ZNF891: variants seen among roughly 807,000 people sequenced by gnomAD.
ZNF891 encodes hCG1646157.
For synonymous variants in ZNF891, 199 were observed against 209.0 expected (o/e 0.95, Z 0.41); for missense variants, 589 against 632.7 (o/e 0.93, Z 0.74).
At chr12:133,122,112 C>A in intron 1 of ZNF891, 88 bp from the exon 2 acceptor site, 1 of 1,358,660 alleles carries the variant, frequency 7.4e-7, no homozygotes, top group Non-Finnish European at 9.5e-7. Context: ...ATTGTAGACC[C>A]TCCCCATTAC....
chr12:133,124,117 A>G (rs533170186), intron 1 of ZNF891, among the ~76,000 whole-genome samples: 1 of 152,366 alleles, frequency 6.6e-6, no homozygotes, highest in East Asian at 1.9e-4. Flanking sequence ...ATCTCTAGTA[A>G]GTAAAACAGA....
rs1362695461 is a variant in ZNF891 at position 133,117,441 on chromosome 12, TAC to T, written c.*2841_*2842del. On this transcript the variant is annotated 3_prime_UTR_variant, in exon 2 of 2. Coordinates refer to ENST00000537226, the MANE Select transcript of ZNF891 (RefSeq NM_001277291.2). ...TTCACATATTCTGATCACTGCTTAG[TAC>T]AGTTAGGTGTAAATAAATAAACAAG... 2.0e-5 allele frequency: 3 copies of T among 152,252 alleles called. No homozygotes were observed. The highest frequency in any genetic ancestry group is 7.2e-5 in the African/African-American group (3 of 41,466). 9.4% of individuals were successfully genotyped at this position (152,252 alleles called of 1,614,324 possible).
At position 133,113,088 on chromosome 12, in the gene ZNF891, A is replaced by G. The variant is rs1486445449; in HGVS notation, c.*7196T>C. On this transcript the variant is annotated 3_prime_UTR_variant, in exon 2 of 2. Transcript: ENST00000537226. ...AATATATATATATATATTTATATTT[A>G]TTTATTAAAAATATATTTATAAAAT... 1 of 147,702 alleles carries G rather than the reference A, an allele frequency of 6.8e-6. No homozygotes were observed. Among genetic ancestry groups the G allele is most frequent in the African/African-American group, 2.5e-5 (1 of 40,802 alleles). The allele number at this position is 147,702 out of a possible 1,614,324, so 9.1% of individuals were successfully genotyped here.
At position 133,116,252 on chromosome 12, in the gene ZNF891, C is replaced by T. The variant is rs1242118921; in HGVS notation, c.*4032G>A. ...CCCGAGTAGCTGGTACTACAGGCGC[C>T]CACCACCACACTTGGCTAATTTTTT... On this transcript the variant is annotated 3_prime_UTR_variant, in exon 2 of 2. Transcript: ENST00000537226. The T allele has an allele frequency of 2.1e-5, 3 of 146,308 alleles. No homozygotes were observed. The highest frequency in any genetic ancestry group is 4.4e-5 in the Non-Finnish European group (3 of 68,068). The allele number at this position is 146,308 out of a possible 1,614,324, so 9.1% of individuals were successfully genotyped here.
rs1955686384 is a variant in ZNF891 at position 133,112,175 on chromosome 12, A to G, written c.*8109T>C. On this transcript the variant is annotated 3_prime_UTR_variant, in exon 2 of 2. Coordinates refer to ENST00000537226, the MANE Select transcript of ZNF891 (RefSeq NM_001277291.2). ...TACTTTCTGTTCCACAAATATGTCA[A>G]ATCCTGATGAGTCTTTTTGCTCTTG... is the stretch of plus-strand genomic sequence containing the variant. The G allele has an allele frequency of 6.6e-6, 1 of 152,242 alleles. No homozygotes were observed. The highest frequency in any genetic ancestry group is 6.5e-5 in the Admixed American group (1 of 15,278). 9.4% of individuals were successfully genotyped at this position (152,242 alleles called of 1,614,324 possible).
In ZNF891 at chr12:133,106,516, T is replaced by C. The variant is rs556719221; in HGVS notation, c.*13768A>G. The C allele has an allele frequency of 9.1e-5, 147 of 1,614,068 alleles. No individual in the cohort carries two copies. Among genetic ancestry groups the C allele is most frequent in the Non-Finnish European group, 1.2e-4 (142 of 1,180,004 alleles). ...GAACTCATACTGGAGAGAAACCCTA[T>C]GTATGTAAGGTATGCAACAAATCCT... On this transcript the variant is annotated 3_prime_UTR_variant, in exon 2 of 2. Coordinates refer to ENST00000537226, the MANE Select transcript of ZNF891 (RefSeq NM_001277291.2).
chr12:133,129,160 C>T (rs1406860679), intron 1 of ZNF891, among the ~76,000 whole-genome samples: 2 of 152,060 alleles, frequency 1.3e-5, no homozygotes, highest in Non-Finnish European at 2.9e-5. Flanking sequence ...GGAAAGGTAT[C>T]TAAAACAGAA....
At position 133,106,440 on chromosome 12, in the gene ZNF891, C is replaced by A; in HGVS notation, c.*13844G>T. On this transcript the variant is annotated 3_prime_UTR_variant, in exon 2 of 2. Coordinates refer to ENST00000537226, the MANE Select transcript of ZNF891 (RefSeq NM_001277291.2). The stretch of plus-strand genomic sequence containing the variant: ...ACTGGAGAGAAACCCTATGCGTGTG[C>A]TGAATGTGATAAAGCCTTCAGCCGG... 1 of 1,613,950 alleles carries A rather than the reference C, an allele frequency of 6.2e-7. No homozygotes were observed. Among genetic ancestry groups the A allele is most frequent in the South Asian group, 1.1e-5 (1 of 91,076 alleles).
rs1430169383 is a variant in ZNF891, at chr12:133,120,704, T to C, written c.1215A>G (p.Glu405=). ...CAAAGGATTTTCCACACTGATTACATTCATAAGGTTTCTCTCCAGTGTGAG... is the reference window on the plus strand; with the variant it reads ...CAAAGGATTTTCCACACTGATTACACTCATAAGGTTTCTCTCCAGTGTGAG... ...MRTHTGEKPY[E]CNQCGKSFGT... The change falls in exon 2 of 2, where the codon GAA becomes GAG. Residue 405 remains glutamate, a synonymous_variant. Transcript: ENST00000537226. 2 of 1,564,504 alleles carry C rather than the reference T, an allele frequency of 1.3e-6. No individual in the cohort carries two copies. Among genetic ancestry groups the C allele is most frequent in the East Asian group, 4.8e-5 (2 of 42,020 alleles).
At chr12:133,124,374 AG>A (rs961729370) in intron 1 of ZNF891, among the ~76,000 whole-genome samples, 2 of 152,148 alleles carry the variant, frequency 1.3e-5, no homozygotes, top group Non-Finnish European at 2.9e-5. Flanking sequence ...AGGAGAAAAA[AG>A]GGAACAGAAA....
intron 1 of ZNF891, among the ~76,000 whole-genome samples, chr12:133,124,746 G>A (rs1160042166): frequency 2.1e-5 from 3 of 143,172 alleles, no homozygotes; most frequent in African/African-American, 7.6e-5. Context: ...AATATAAAAG[G>A]CCTTTTATAT....
rs563111093 is a variant in ZNF891, at chr12:133,114,736, T to C, written c.*5548A>G. The C allele has an allele frequency of 6.6e-5, 10 of 152,160 alleles. No individual in the cohort carries two copies. The South Asian group carries it at 1.9e-3, about 28-fold the overall frequency. 9.4% of individuals were successfully genotyped at this position (152,160 alleles called of 1,614,324 possible). A position where few individuals can be genotyped will look rare whatever the true frequency, so the allele number is the denominator to read the frequency against. ...AAGGACACAATACCTAAAGGATAAA[T>C]AGGACAGGTTAAATTAGGGAGACAG... On this transcript the variant is annotated 3_prime_UTR_variant, in exon 2 of 2. Transcript: ENST00000537226.
chr12:133,126,155 T>C (rs1474088431), intron 1 of ZNF891, among the ~76,000 whole-genome samples: 2 of 151,980 alleles, frequency 1.3e-5, no homozygotes, highest in Non-Finnish European at 2.9e-5. Flanking sequence ...AGTTAAAAAT[T>C]ATAATTTAAA....
intron 1 of ZNF891, among the ~76,000 whole-genome samples, chr12:133,127,825 T>C (rs1470217346): frequency 6.6e-6 from 1 of 152,198 alleles, no homozygotes; most frequent in Non-Finnish European, 1.5e-5. Context: ...GATAAGACTG[T>C]ATGACAGATT....
intron 1 of ZNF891, among the ~76,000 whole-genome samples, chr12:133,124,361 A>T (rs567696324): frequency 6.6e-6 from 1 of 152,292 alleles, no homozygotes; most frequent in East Asian, 1.9e-4. Context: ...GGAATTCCAG[A>T]AGAGGAGAAA....
chr12:133,128,809 A>T (rs996751855), intron 1 of ZNF891, among the ~76,000 whole-genome samples: 7 of 151,016 alleles, frequency 4.6e-5, no homozygotes, highest in Non-Finnish European at 7.4e-5. Flanking sequence ...AAAAAAAAGT[A>T]GAAAAACAGA....
rs1452062235 is a variant in ZNF891, at chr12:133,111,878, G to C, written c.*8406C>G. The C allele has an allele frequency of 6.6e-6, 1 of 152,104 alleles. No homozygotes were observed. The highest frequency in any genetic ancestry group is 2.4e-5 in the African/African-American group (1 of 41,430). The allele number at this position is 152,104 out of a possible 1,614,324, so 9.4% of individuals were successfully genotyped here. A position where few individuals can be genotyped will look rare whatever the true frequency, so the allele number is the denominator to read the frequency against. Reference sequence around the variant, plus strand: ...AAATAAATAAAAAAGTGAATGCTAAGGAAATTAGTTTTTGGCATTCAAATT... The same window carrying C: ...AAATAAATAAAAAAGTGAATGCTAACGAAATTAGTTTTTGGCATTCAAATT... On this transcript the variant is annotated 3_prime_UTR_variant, in exon 2 of 2. Transcript: ENST00000537226.
Position 133,111,910 on chromosome 12 carries a change from A to G in ZNF891, c.*8374T>C, listed in dbSNP as rs1342918573. On this transcript the variant is annotated 3_prime_UTR_variant, in exon 2 of 2. Coordinates refer to ENST00000537226, the MANE Select transcript of ZNF891 (RefSeq NM_001277291.2). The stretch of plus-strand genomic sequence containing the variant: ...AGTTTTTGGCATTCAAATTTCATAC[A>G]TGAACTATTGCAAATAGCTTCCTAG... 1 of 152,238 alleles carries G rather than the reference A, an allele frequency of 6.6e-6. No individual in the cohort carries two copies. Among genetic ancestry groups the G allele is most frequent in the Non-Finnish European group, 1.5e-5 (1 of 68,038 alleles). The allele number at this position is 152,238 out of a possible 1,614,324, so 9.4% of individuals were successfully genotyped here. A position where few individuals can be genotyped will look rare whatever the true frequency, so the allele number is the denominator to read the frequency against.
In ZNF891 at chr12:133,111,109, C is replaced by T. The variant is rs1367098094; in HGVS notation, c.*9175G>A. 6.6e-6 allele frequency: 1 copy of T among 152,090 alleles called. No homozygotes were observed. Among genetic ancestry groups the T allele is most frequent in the Non-Finnish European group, 1.5e-5 (1 of 68,036 alleles). 9.4% of individuals were successfully genotyped at this position (152,090 alleles called of 1,614,324 possible). On this transcript the variant is annotated 3_prime_UTR_variant, in exon 2 of 2. Transcript: ENST00000537226. ...TTGATTTGGAAGAAAGAGTCTGAGT[C>T]CTTAGCAACTCATTCAAAAAGTCTG...
Sources: allele counts gnomAD v4.1 joint callset (sites outside exome capture counted in the v4.1 genomes callset), GRCh38; gene constraint gnomAD v4.1.1; transcripts MANE v1.5; gene names NCBI Gene and HGNC (gene_info 2026-07-23, HGNC 2026-07-21).